VPS33A: variants seen among roughly 807,000 people sequenced by gnomAD.
VPS33A encodes vacuolar protein sorting-associated protein 33A.
Under a neutral mutation model 71.8 loss-of-function variants are expected in VPS33A, and 32 were observed. The ratio of observed to expected loss-of-function variants is 0.45; its 90% confidence interval spans 0.34 to 0.60. The LOEUF (loss-of-function observed/expected upper bound fraction) is 0.60, where lower values mean the gene tolerates loss of function less well. Among genes scored for constraint, VPS33A ranks in the 20% least tolerant of loss-of-function variants. VPS33A has a pLI of 0.02. For synonymous variants in VPS33A, 311 were observed against 292.7 expected (o/e 1.06, Z -0.64); for missense variants, 625 against 748.5 (o/e 0.84, Z 1.92).
At position 122,263,661 on chromosome 12, in the gene VPS33A, AT is replaced by A. The variant is rs777908033; in HGVS notation, c.206del (p.Asn69IlefsTer8). On this transcript the variant is annotated frameshift_variant, in exon 3 of 13. Transcript: ENST00000267199. LOFTEE classifies it high-confidence loss of function. ...TCTTCACATCAGCTGCCGGCAAACG[AT>A]TTCCTTTAAGTGTGAACATTTTTTC... ...EVEKMFTLKG[N>X]RLPAADVKNI... is the part of the protein sequence containing the mutation. 2.5e-6 allele frequency: 4 copies of A among 1,613,300 alleles called. No homozygotes were observed. The highest frequency in any genetic ancestry group is 3.4e-6 in the Non-Finnish European group (4 of 1,179,428).
chr12:122,256,583 TA>T (rs879302474), intron 4 of VPS33A, among the ~76,000 whole-genome samples: 58 of 141,488 alleles, frequency 4.1e-4, no homozygotes, highest in Non-Finnish European at 4.7e-4. Flanking sequence ...CAAAAACAAT[TA>T]AAAAAAAAAA....
chr12:122,247,607 G>A (rs1390224293), intron 6 of VPS33A, among the ~76,000 whole-genome samples: 2 of 152,102 alleles, frequency 1.3e-5, no homozygotes, highest in Non-Finnish European at 2.9e-5. Context: ...CGTCACCCAC[G>A]TCATTCATTC....
intron 1 of VPS33A, among the ~76,000 whole-genome samples, chr12:122,265,387 C>T (rs1955053917): frequency 1.3e-5 from 2 of 151,976 alleles, no homozygotes; most frequent in South Asian, 4.2e-4. Flanking sequence ...CCGCTAAACT[C>T]CAGTATCATT....
At chr12:122,247,810 C>T (rs951384755) in intron 6 of VPS33A, among the ~76,000 whole-genome samples, 4 of 152,154 alleles carry the variant, frequency 2.6e-5, no homozygotes, top group Non-Finnish European at 5.9e-5. Context: ...GTAGTCCTGG[C>T]AACCACGAGT....
rs1054939656 is a variant in VPS33A at position 122,266,473 on chromosome 12, G to C, written c.-65C>G. 2 of 1,569,604 alleles carry C rather than the reference G, an allele frequency of 1.3e-6. No individual in the cohort carries two copies. The highest frequency in any genetic ancestry group is 1.7e-6 in the Non-Finnish European group (2 of 1,151,934). On this transcript the variant is annotated 5_prime_UTR_variant, in exon 1 of 13. Coordinates refer to ENST00000267199, the MANE Select transcript of VPS33A (RefSeq NM_022916.6). ...CCGCCGGTTCCTACGGGAGGACCAC[G>C]GACGCAGTCACGTGACCAAACGTCC...
chr12:122,241,600 C>A lies in VPS33A; in HGVS notation c.1096+782G>T, dbSNP rs150990456. On this transcript the variant is annotated intron_variant, in intron 8 of 12. Transcript: ENST00000267199. Reference sequence around the variant, plus strand: ...GATTACAGACATGAGCCACCTCGCCCAGTCTTTTTTTTTTTTAATGGAGTC... The same window carrying A: ...GATTACAGACATGAGCCACCTCGCCAAGTCTTTTTTTTTTTTAATGGAGTC... Among the ~76,000 whole-genome samples, 571 of 151,656 alleles carry A rather than the reference C, an allele frequency of 3.8e-3. 7 individuals carry two copies. The highest frequency in any genetic ancestry group is 0.013 in the African/African-American group (550 of 41,354).
intron 6 of VPS33A, among the ~76,000 whole-genome samples, chr12:122,245,443 GTTT>G (rs757738399): frequency 1.3e-4 from 17 of 133,212 alleles, no homozygotes; most frequent in Non-Finnish European, 2.3e-4. Context: ...TTCACGTTCT[GTTT>G]TTTTTTTTTT....
chr12:122,244,458 G>C, intron 7 of VPS33A, 111 bp downstream of exon 7: 1 of 913,688 alleles, frequency 1.1e-6, no homozygotes, highest in Admixed American at 2.7e-5. Flanking sequence ...GAGAAAAGTT[G>C]CATTGAAGCC....
At chr12:122,242,638 C>T (rs552385939) in intron 7 of VPS33A, 130 bp from the exon 8 acceptor site, 45 of 1,178,942 alleles carry the variant, frequency 3.8e-5, no homozygotes, top group Non-Finnish European at 4.6e-5. Context: ...CTGCAACCTC[C>T]GCCTCCCAGG....
intron 3 of VPS33A, 128 bp downstream of exon 3, chr12:122,263,444 C>T: frequency 8.8e-7 from 1 of 1,142,502 alleles, no homozygotes; most frequent in Non-Finnish European, 1.2e-6. Flanking sequence ...TTCTTCCATG[C>T]CTATCTCAGT....
In VPS33A at chr12:122,247,561, C is replaced by T. The variant is rs73421733; in HGVS notation, c.775+2310G>A. On this transcript the variant is annotated intron_variant, in intron 6 of 12. Coordinates refer to ENST00000267199, the MANE Select transcript of VPS33A (RefSeq NM_022916.6). ...ATCTTATCACTAAAGACCTTCCATA[C>T]GTGTGGAAACGCCTCCTCATGCATG... 8.2e-3 allele frequency among the ~76,000 whole-genome samples: 1,251 copies of T among 152,292 alleles called. 8 individuals carry two copies. Among genetic ancestry groups the T allele is most frequent in the African/African-American group, 0.028 (1,147 of 41,546 alleles).
chr12:122,243,890 T>G (rs1201538045), intron 7 of VPS33A, among the ~76,000 whole-genome samples: 2 of 151,956 alleles, frequency 1.3e-5, no homozygotes, highest in Non-Finnish European at 2.9e-5. Context: ...ACTACACCCA[T>G]CCTGGGAGAC....
At chr12:122,241,461 C>A (rs1477485174) in intron 8 of VPS33A, among the ~76,000 whole-genome samples, 1 of 151,982 alleles carries the variant, frequency 6.6e-6, no homozygotes, top group Non-Finnish European at 1.5e-5. Flanking sequence ...CCCGCCACCA[C>A]ACCTGGCTAA....
chr12:122,233,289 A>G lies in VPS33A; in HGVS notation c.1441-321T>C, dbSNP rs571484055. On this transcript the variant is annotated intron_variant, in intron 11 of 12. Transcript: ENST00000267199. ...CACCCAGGCTGGAGTGCAGTGGCAT[A>G]ATTTCAGCTCACTGCAACCTCCGCC... Among the ~76,000 whole-genome samples, 65 of 151,664 alleles carry G rather than the reference A, an allele frequency of 4.3e-4. 1 individual carries two copies. In the South Asian group the frequency reaches 0.013, roughly 30 times the overall value.
At chr12:122,255,999 T>A (rs1257763535) in intron 4 of VPS33A, among the ~76,000 whole-genome samples, 2 of 152,046 alleles carry the variant, frequency 1.3e-5, no homozygotes, top group Non-Finnish European at 2.9e-5. Context: ...CCTCACTCTG[T>A]TGCCCAGGCT....
intron 6 of VPS33A, among the ~76,000 whole-genome samples, chr12:122,246,354 C>T (rs1954776331): frequency 6.6e-6 from 1 of 152,056 alleles, no homozygotes; most frequent in African/African-American, 2.4e-5. Flanking sequence ...GGCTGGAGTG[C>T]AGTGGCGTGA....
intron 10 of VPS33A, among the ~76,000 whole-genome samples, chr12:122,237,575 C>T (rs1443238866): frequency 7.5e-5 from 10 of 132,476 alleles, no homozygotes; most frequent in African/African-American, 1.8e-4. Context: ...CTCGCTCTGT[C>T]GCCCAGGCCG....
chr12:122,259,195 A>ATGTGTGTG (rs1382920411), intron 4 of VPS33A, among the ~76,000 whole-genome samples: 1 of 116,870 alleles, frequency 8.6e-6, no homozygotes, highest in East Asian at 2.3e-4. Flanking sequence ...GTGTGTATGT[A>ATGTGTGTG]TGTATGTATG....
At chr12:122,242,804 T>C (rs1217401910) in intron 7 of VPS33A, among the ~76,000 whole-genome samples, 2 of 152,206 alleles carry the variant, frequency 1.3e-5, no homozygotes, top group African/African-American at 2.4e-5. Context: ...TCCACCCACC[T>C]TGGCCTCCCA....
Sources: allele counts gnomAD v4.1 joint callset (sites outside exome capture counted in the v4.1 genomes callset), GRCh38; gene constraint gnomAD v4.1.1; transcripts MANE v1.5; gene names NCBI Gene and HGNC (gene_info 2026-07-23, HGNC 2026-07-21).